Variants in TGFBR2 observed in about 807,000 individuals in gnomAD.
The protein encoded by TGFBR2 is transforming growth factor beta receptor 2.
TGFBR2 carries 18 observed loss-of-function variants against 49.0 expected under a neutral mutation model. The ratio of observed to expected loss-of-function variants is 0.37; its 90% CI spans 0.25 to 0.54. The LOEUF is 0.54. Among genes scored for constraint, TGFBR2 ranks in the 20% least tolerant of loss-of-function variants. The pLI is 0.85. For missense variants in TGFBR2, 525 were observed against 722.6 expected (o/e 0.73, Z 3.13); for synonymous variants, 282 against 275.9 (o/e 1.02, Z -0.22).
In TGFBR2 at chr3:30,674,267, T is replaced by C. The variant is rs752392789; in HGVS notation, c.1396+21T>C. ...GGGAGGTAGGTGTGGACCAGCATCA[T>C]TGTGTAGTGGTAAACTTGTCTTCAA... On this transcript the variant is annotated intron_variant, in intron 5 of 6. Transcript: ENST00000295754. 10 of 1,613,850 alleles carry C rather than the reference T, an allele frequency of 6.2e-6. No individual in the cohort carries two copies. In the South Asian group the frequency reaches 7.7e-5, roughly 12 times the overall value.
chr3:30,659,305 T>C (rs1358906429), intron 3 of TGFBR2, among the ~76,000 whole-genome samples: 1 of 152,216 alleles, frequency 6.6e-6, no homozygotes, highest in Non-Finnish European at 1.5e-5. Flanking sequence ...GTTGCTAGTC[T>C]CATTCCTGAG....
chr3:30,647,180 C>T lies in TGFBR2; in HGVS notation c.263+2265C>T, dbSNP rs572601934. On this transcript the variant is annotated intron_variant, in intron 2 of 6. Coordinates refer to ENST00000295754, the MANE Select transcript of TGFBR2 (RefSeq NM_003242.6). ...CCAGTGATGGGAGCTGCCTCATTCA[C>T]GTTGGACACTTTTCATGGGTAGCCA... Among the ~76,000 whole-genome samples, 21 of 152,270 alleles carry T rather than the reference C, an allele frequency of 1.4e-4. No individual in the cohort carries two copies. The South Asian group carries it at 3.3e-3, about 24-fold the overall frequency.
chr3:30,610,746 A>G (rs1312637282), intron 1 of TGFBR2, among the ~76,000 whole-genome samples: 2 of 152,244 alleles, frequency 1.3e-5, no homozygotes, highest in Middle Eastern at 3.2e-3. Context: ...CCTGCAACAT[A>G]GTAAATGCTC....
chr3:30,623,141 G>A (rs111656898), intron 1 of TGFBR2: 14 of 901,436 alleles, frequency 1.6e-5, no homozygotes, highest in African/African-American at 1.0e-4. Flanking sequence ...TCACTTTCCT[G>A]TCATCTGTAA....
chr3:30,635,150 C>T (rs1284414563), intron 1 of TGFBR2, among the ~76,000 whole-genome samples: 1 of 152,220 alleles, frequency 6.6e-6, no homozygotes, highest in Non-Finnish European at 1.5e-5. Flanking sequence ...CCTATTAGAG[C>T]TGAAAGAGCA....
chr3:30,688,553 A>C (rs533132748), intron 6 of TGFBR2, 42 bp downstream of exon 6: 2 of 1,613,410 alleles, frequency 1.2e-6, no homozygotes, highest in East Asian at 4.5e-5. Flanking sequence ...GATTCAACCA[A>C]GTTGCCTCTT....
In TGFBR2 at chr3:30,693,635, A is replaced by G. The variant is rs1371311512; in HGVS notation, c.*2036A>G. 8.6e-6 allele frequency: 2 copies of G among 233,520 alleles called. No individual in the cohort carries two copies. The allele number at this position is 233,520 out of a possible 1,614,324, so 14.5% of individuals were successfully genotyped here. A position where few individuals can be genotyped will look rare whatever the true frequency, so the allele number is the denominator to read the frequency against. The stretch of plus-strand genomic sequence containing the variant: ...TTAAAGACAGTGTGGCTGCAGTAGC[A>G]TAGAGGCGCCTAGAAATTCCACTTG... On this transcript the variant is annotated 3_prime_UTR_variant, in exon 7 of 7. Transcript: ENST00000295754.
chr3:30,660,628 A>T (rs180766106), intron 3 of TGFBR2, among the ~76,000 whole-genome samples: 52 of 152,270 alleles, frequency 3.4e-4, no homozygotes, highest in Middle Eastern at 3.4e-3. Flanking sequence ...GAGGAGAAAA[A>T]CCAACACCTG....
In TGFBR2 at chr3:30,678,546, T is replaced by TCAAAA. The variant is rs370795703; in HGVS notation, c.1396+4300_1396+4301insCAAAA. On this transcript the variant is annotated intron_variant, in intron 5 of 6. Coordinates refer to ENST00000295754, the MANE Select transcript of TGFBR2 (RefSeq NM_003242.6). ...CTGGGCGACAGAGCAAGACTGCGTC[T>TCAAAA]AAAAAAAAAAAAAAAAAAAAAAGAG... Among the ~76,000 whole-genome samples the TCAAAA allele has an allele frequency of 3.7e-3, 374 of 100,218 alleles. 53 individuals are homozygous for TCAAAA. Among genetic ancestry groups the TCAAAA allele is most frequent in the African/African-American group, 9.0e-3 (207 of 22,874 alleles). 65.7% of individuals were successfully genotyped at this position (100,218 alleles called of 152,430 possible).
At chr3:30,685,457 G>T (rs925007900) in intron 5 of TGFBR2, among the ~76,000 whole-genome samples, 1 of 152,172 alleles carries the variant, frequency 6.6e-6, no homozygotes, top group African/African-American at 2.4e-5. Flanking sequence ...ACACACTTTT[G>T]TGCAATGATT....
intron 1 of TGFBR2, among the ~76,000 whole-genome samples, chr3:30,638,288 T>C (rs1181779870): frequency 6.6e-6 from 1 of 152,250 alleles, no homozygotes; most frequent in Non-Finnish European, 1.5e-5. Flanking sequence ...TAAGGCATTG[T>C]CATTTCACAG....
chr3:30,661,881 A>G (rs1699139380), intron 3 of TGFBR2, among the ~76,000 whole-genome samples: 1 of 152,170 alleles, frequency 6.6e-6, no homozygotes, highest in African/African-American at 2.4e-5. Flanking sequence ...CCTTAGAAAA[A>G]AGGTCCTGGC....
At chr3:30,617,363 G>A (rs1200848087) in intron 1 of TGFBR2, among the ~76,000 whole-genome samples, 1 of 151,854 alleles carries the variant, frequency 6.6e-6, no homozygotes, top group African/African-American at 2.4e-5. Context: ...ATTCTCTAAC[G>A]CTCATAGTAT....
intron 1 of TGFBR2, among the ~76,000 whole-genome samples, chr3:30,628,843 C>T (rs80130379): frequency 0.01 from 1,524 of 152,210 alleles, 25 homozygotes; most frequent in African/African-American, 0.035. Flanking sequence ...TCATAGCTAA[C>T]GTGTTTTCCA....
intron 5 of TGFBR2, among the ~76,000 whole-genome samples, chr3:30,675,283 C>G (rs1195666339): frequency 7.9e-5 from 12 of 152,180 alleles, no homozygotes; most frequent in Admixed American, 4.6e-4. Context: ...TGTTTCTATT[C>G]ATGTCCTTCT....
chr3:30,663,696 A>G (rs1699188325), intron 3 of TGFBR2, among the ~76,000 whole-genome samples: 2 of 152,282 alleles, frequency 1.3e-5, no homozygotes, highest in South Asian at 4.2e-4. Context: ...TCTCCGATTG[A>G]GTTGGGGAAC....
intron 1 of TGFBR2, 121 bp from the exon 2 acceptor site, chr3:30,644,625 CT>C (rs1317473330): frequency 5.3e-6 from 5 of 939,060 alleles, no homozygotes; most frequent in African/African-American, 1.6e-5. Flanking sequence ...ATTATTTTGC[CT>C]TTCTTCAGAT....
intron 3 of TGFBR2, among the ~76,000 whole-genome samples, chr3:30,668,161 T>C (rs182296917): frequency 1.8e-4 from 28 of 152,318 alleles, no homozygotes; most frequent in African/African-American, 6.5e-4. Context: ...TTGAGAAGTA[T>C]CATTCCACGT....
chr3:30,619,662 G>A (rs977528940), intron 1 of TGFBR2, among the ~76,000 whole-genome samples: 17 of 152,160 alleles, frequency 1.1e-4, no homozygotes, highest in African/African-American at 4.1e-4. Context: ...CCTAGCTTGT[G>A]ACCATTCTCC....
Sources: allele counts gnomAD v4.1 joint callset (sites outside exome capture counted in the v4.1 genomes callset), GRCh38; gene constraint gnomAD v4.1.1; transcripts MANE v1.5; gene names NCBI Gene and HGNC (gene_info 2026-07-23, HGNC 2026-07-21).